Variants in MACROD2 observed in about 807,000 individuals in gnomAD.
MACROD2 encodes mono-ADP ribosylhydrolase 2.
MACROD2 carries 36 observed loss-of-function variants against 70.4 expected under a neutral mutation model. The ratio of observed to expected loss-of-function variants is 0.51; its 90% CI spans 0.39 to 0.68. MACROD2 has a LOEUF of 0.68. Among genes scored for constraint, MACROD2 ranks in the 30% least tolerant of loss-of-function variants. MACROD2 has a pLI of 0.00. For synonymous variants in MACROD2, 172 were observed against 178.8 expected (o/e 0.96, Z 0.30); for missense variants, 496 against 538.4 (o/e 0.92, Z 0.78).
At chr20:14,043,114 C>T (rs1423689823) in intron 2 of MACROD2, among the ~76,000 whole-genome samples, 1 of 152,002 alleles carries the variant, frequency 6.6e-6, no homozygotes, top group Non-Finnish European at 1.5e-5. Context: ...GAGATGGGGT[C>T]TTACTATGTT....
chr20:15,723,204 C>G (rs1234855842), intron 8 of MACROD2, among the ~76,000 whole-genome samples: 1 of 152,170 alleles, frequency 6.6e-6, no homozygotes, highest in Non-Finnish European at 1.5e-5. Flanking sequence ...CCCACCACCC[C>G]CACACAAACA....
Position 14,481,971 on chromosome 20 carries a change from C to G in MACROD2, c.272-11508C>G, listed in dbSNP as rs182248636. ...GTTGTTATTTTGGGCATATTTTCTACCTTGATAAGCTTACTAAAGTATGTA... is the reference window on the plus strand; with the variant it reads ...GTTGTTATTTTGGGCATATTTTCTAGCTTGATAAGCTTACTAAAGTATGTA... On this transcript the variant is annotated intron_variant, in intron 3 of 17. Transcript: ENST00000684519. 4.7e-3 allele frequency among the ~76,000 whole-genome samples: 721 copies of G among 152,266 alleles called. 10 individuals are homozygous for G. The highest frequency in any genetic ancestry group is 0.014 in the Middle Eastern group (4 of 294).
At chr20:15,018,102 G>A (rs77532409) in intron 5 of MACROD2, among the ~76,000 whole-genome samples, 15,800 of 152,170 alleles carry the variant, frequency 0.1, 1,093 homozygotes, top group Non-Finnish European at 0.14. Flanking sequence ...GTCAGGCTGC[G>A]ACTTTTCCCA....
intron 3 of MACROD2, among the ~76,000 whole-genome samples, chr20:14,142,795 C>G (rs189645411): frequency 1.3e-5 from 2 of 152,128 alleles, no homozygotes; most frequent in Admixed American, 1.3e-4. Flanking sequence ...TAAATTTTTC[C>G]TATAGCCAAA....
Position 15,580,742 on chromosome 20 carries a change from G to T in MACROD2, c.645+80895G>T, listed in dbSNP as rs986058637. 2.0e-5 allele frequency among the ~76,000 whole-genome samples: 3 copies of T among 152,286 alleles called. No homozygotes were observed. In the South Asian group the frequency reaches 6.2e-4, roughly 32 times the overall value. The stretch of plus-strand genomic sequence containing the variant: ...TCACATTGGTTAACATTCCTGGGGA[G>T]AACCAGAGTGATTACCCCATCACAT... On this transcript the variant is annotated intron_variant, in intron 8 of 17. Coordinates refer to ENST00000684519, the MANE Select transcript of MACROD2 (RefSeq NM_001351661.2).
At chr20:15,401,405 T>C (rs564401411) in intron 6 of MACROD2, among the ~76,000 whole-genome samples, 28 of 152,278 alleles carry the variant, frequency 1.8e-4, no homozygotes, top group African/African-American at 6.7e-4. Context: ...GGGGCTTTCA[T>C]AGAAATGTTT....
chr20:15,579,313 T>C (rs900024363), intron 8 of MACROD2, among the ~76,000 whole-genome samples: 3 of 152,240 alleles, frequency 2.0e-5, no homozygotes, highest in African/African-American at 7.2e-5. Flanking sequence ...AGAGTAATTC[T>C]TTTCTCATAA....
chr20:16,042,033 AT>A (rs1268617653), intron 16 of MACROD2, among the ~76,000 whole-genome samples: 1 of 152,012 alleles, frequency 6.6e-6, no homozygotes, highest in Non-Finnish European at 1.5e-5. Context: ...CATTTGGGTT[AT>A]TTTAGCCAAA....
intron 3 of MACROD2, among the ~76,000 whole-genome samples, chr20:14,163,893 C>T (rs1351381406): frequency 9.9e-5 from 15 of 151,726 alleles, no homozygotes; most frequent in Non-Finnish European, 1.9e-4. Context: ...TCTTCTGTAT[C>T]TCACTGAGTT....
intron 6 of MACROD2, among the ~76,000 whole-genome samples, chr20:15,300,121 G>A (rs1211337306): frequency 6.6e-6 from 1 of 151,952 alleles, no homozygotes; most frequent in Non-Finnish European, 1.5e-5. Context: ...AGAGTATGAT[G>A]GCAATTACTG....
intron 8 of MACROD2, among the ~76,000 whole-genome samples, chr20:15,722,717 G>A (rs1480172740): frequency 6.6e-6 from 1 of 151,830 alleles, no homozygotes; most frequent in African/African-American, 2.4e-5. Flanking sequence ...TTGATAAAGT[G>A]AATTTTATAA....
At chr20:14,957,905 C>CT (rs1384825537) in intron 5 of MACROD2, among the ~76,000 whole-genome samples, 2 of 151,500 alleles carry the variant, frequency 1.3e-5, no homozygotes, top group Non-Finnish European at 1.5e-5. Context: ...TTTTCAATTA[C>CT]TTTTTTATAA....
chr20:14,830,230 G>C (rs1445422382), intron 5 of MACROD2, among the ~76,000 whole-genome samples: 1 of 152,050 alleles, frequency 6.6e-6, no homozygotes, highest in Non-Finnish European at 1.5e-5. Flanking sequence ...AATTTGAATT[G>C]GCCATGCTGT....
At chr20:15,269,562 T>C (rs938097063) in intron 6 of MACROD2, among the ~76,000 whole-genome samples, 2 of 152,216 alleles carry the variant, frequency 1.3e-5, no homozygotes, top group African/African-American at 4.8e-5. Flanking sequence ...CAGCAGTGAA[T>C]AGTCAGTGAA....
intron 5 of MACROD2, among the ~76,000 whole-genome samples, chr20:14,838,767 C>T (rs963181431): frequency 6.6e-6 from 1 of 151,934 alleles, no homozygotes; most frequent in African/African-American, 2.4e-5. Context: ...AAGAGAGAAA[C>T]CAGAAGTGAG....
intron 8 of MACROD2, among the ~76,000 whole-genome samples, chr20:15,573,859 T>G (rs997635942): frequency 6.6e-6 from 1 of 152,136 alleles, no homozygotes; most frequent in Admixed American, 6.6e-5. Context: ...TTGACAGGCA[T>G]CTGTGACAAT....
intron 2 of MACROD2, among the ~76,000 whole-genome samples, chr20:14,003,044 G>T (rs2052756121): frequency 1.3e-5 from 2 of 152,186 alleles, no homozygotes; most frequent in South Asian, 4.1e-4. Flanking sequence ...TAATATGCTT[G>T]TCTTTGAATT....
At chr20:15,006,650 A>C (rs888365847) in intron 5 of MACROD2, among the ~76,000 whole-genome samples, 2 of 152,182 alleles carry the variant, frequency 1.3e-5, no homozygotes, top group Non-Finnish European at 2.9e-5. Flanking sequence ...AGCTGAAAAA[A>C]ATACACACAA....
chr20:14,909,788 A>C (rs1457064483), intron 5 of MACROD2, among the ~76,000 whole-genome samples: 1 of 152,036 alleles, frequency 6.6e-6, no homozygotes, highest in Non-Finnish European at 1.5e-5. Flanking sequence ...ATAGAAGTAC[A>C]TTTTATGTTT....
Sources: gnomAD v4.1 joint callset for allele counts (sites outside exome capture counted in the v4.1 genomes callset) on GRCh38, gnomAD v4.1.1 for gene constraint, MANE v1.5 for transcripts, NCBI Gene and HGNC (gene_info 2026-07-23, HGNC 2026-07-21) for gene names.